The following MEI4 variants were observed in gnomAD, a reference collection of about 807,000 sequenced individuals.
The protein encoded by MEI4 is meiosis-specific protein MEI4.
MEI4 carries 27 observed loss-of-function variants against 31.4 expected under a neutral mutation model. The ratio of observed to expected loss-of-function variants is 0.86; its 90% CI spans 0.63 to 1.19. MEI4 has a LOEUF of 1.19. Among genes scored for constraint, MEI4 ranks in the 50% most tolerant of loss-of-function variants. The probability of loss-of-function intolerance (pLI) is 0.00; values close to 1 mark genes in which losing one functional copy is unlikely to be tolerated. For missense variants in MEI4, 329 were observed against 398.9 expected (o/e 0.82, Z 1.49); for synonymous variants, 122 against 145.4 (o/e 0.84, Z 1.16).
intron 2 of MEI4, among the ~76,000 whole-genome samples, chr6:77,694,832 C>A (rs543060430): frequency 1.2e-3 from 184 of 151,358 alleles, no homozygotes; most frequent in African/African-American, 4.3e-3. Flanking sequence ...CCTGAGGAAT[C>A]GCCACACTGA....
chr6:77,803,138 T>C (rs1769317688), intron 3 of MEI4, among the ~76,000 whole-genome samples: 1 of 152,236 alleles, frequency 6.6e-6, no homozygotes, highest in South Asian at 2.1e-4. Flanking sequence ...TCTTTTCACA[T>C]AGTCCCATAT....
intron 3 of MEI4, among the ~76,000 whole-genome samples, chr6:77,813,367 T>C (rs887328097): frequency 6.6e-6 from 1 of 152,128 alleles, no homozygotes; most frequent in African/African-American, 2.4e-5. Context: ...TATGCAAGCA[T>C]AGATTAACAC....
intron 2 of MEI4, among the ~76,000 whole-genome samples, chr6:77,759,761 G>A (rs943871244): frequency 6.6e-6 from 1 of 152,076 alleles, no homozygotes; most frequent in Non-Finnish European, 1.5e-5. Flanking sequence ...TTCACCCAAT[G>A]TTGGGACTAA....
chr6:77,878,227 A>AT (rs1771392468), intron 4 of MEI4, among the ~76,000 whole-genome samples: 1 of 151,970 alleles, frequency 6.6e-6, no homozygotes, highest in African/African-American at 2.4e-5. Flanking sequence ...TACATAAAAA[A>AT]ACCTCTTGAT....
intron 3 of MEI4, among the ~76,000 whole-genome samples, chr6:77,823,774 C>T (rs1769881925): frequency 6.6e-6 from 1 of 152,078 alleles, no homozygotes; most frequent in Admixed American, 6.5e-5. Context: ...ATTCTGGATG[C>T]TTCAGAAAGT....
chr6:77,783,964 C>T (rs1162847270), intron 3 of MEI4, among the ~76,000 whole-genome samples: 1 of 152,028 alleles, frequency 6.6e-6, no homozygotes. Flanking sequence ...GCAATCTAAT[C>T]TTAAATAATT....
At chr6:77,711,790 A>C (rs1766472303) in intron 2 of MEI4, among the ~76,000 whole-genome samples, 1 of 152,212 alleles carries the variant, frequency 6.6e-6, no homozygotes, top group South Asian at 2.1e-4. Context: ...AACTAGTATT[A>C]TAAGGTACAT....
At chr6:77,761,005 T>G (rs1003944087) in intron 2 of MEI4, 125 bp from the exon 3 acceptor site, 4 of 636,168 alleles carry the variant, frequency 6.3e-6, no homozygotes, top group African/African-American at 1.9e-5. Flanking sequence ...ACACTACTGC[T>G]TGTTAAATGC....
chr6:77,752,034 G>A, intron 2 of MEI4, among the ~76,000 whole-genome samples: 1 of 152,036 alleles, frequency 6.6e-6, no homozygotes, highest in East Asian at 1.9e-4. Context: ...GATTATCTCA[G>A]TAGACCCAGA....
intron 1 of MEI4, among the ~76,000 whole-genome samples, chr6:77,679,658 AGAAGAGGCCTAGAGAC>A (rs1304587286): frequency 6.6e-6 from 1 of 152,096 alleles, no homozygotes; most frequent in African/African-American, 2.4e-5. Flanking sequence ...CTTGCTACAA[AGAAGAGGCCTAGAGAC>A]GAATTTCTGT....
rs116486682 is a variant in MEI4, at chr6:77,844,667, A to T, written c.900+15605A>T. On this transcript the variant is annotated intron_variant, in intron 4 of 4. Coordinates refer to ENST00000684080, the MANE Select transcript of MEI4 (RefSeq NM_001322247.2). ...TTCTAAAATTTAAATTATGCAGGGAATATATCAGAGTATATTTAATGTTGT... is the reference window on the plus strand; with the variant it reads ...TTCTAAAATTTAAATTATGCAGGGATTATATCAGAGTATATTTAATGTTGT... Among the ~76,000 whole-genome samples the T allele has an allele frequency of 5.9e-3, 898 of 152,318 alleles. 11 individuals carry two copies. Among genetic ancestry groups the T allele is most frequent in the African/African-American group, 0.021 (862 of 41,588 alleles).
At chr6:77,864,426 C>T (rs2127722485) in intron 4 of MEI4, among the ~76,000 whole-genome samples, 1 of 152,180 alleles carries the variant, frequency 6.6e-6, no homozygotes, top group South Asian at 2.1e-4. Flanking sequence ...GCAGGGGTTG[C>T]AATCCTAGTC....
chr6:77,792,134 T>C (rs924388131), intron 3 of MEI4, among the ~76,000 whole-genome samples: 1 of 152,182 alleles, frequency 6.6e-6, no homozygotes, highest in Admixed American at 6.5e-5. Flanking sequence ...TGTTCTTTTT[T>C]AAAGGATGAA....
chr6:77,746,951 C>G (rs1000720803), intron 2 of MEI4, among the ~76,000 whole-genome samples: 30 of 152,076 alleles, frequency 2.0e-4, no homozygotes, highest in Admixed American at 7.9e-4. Flanking sequence ...GTAGAGAGTT[C>G]AGGAAAAAAT....
At chr6:77,802,356 A>G (rs1045651124) in intron 3 of MEI4, among the ~76,000 whole-genome samples, 4 of 152,064 alleles carry the variant, frequency 2.6e-5, no homozygotes, top group Non-Finnish European at 4.4e-5. Context: ...TTTTGAGCCT[A>G]TGTGTGTCTC....
intron 3 of MEI4, among the ~76,000 whole-genome samples, chr6:77,768,042 A>G (rs933651076): frequency 1.3e-5 from 2 of 152,212 alleles, no homozygotes; most frequent in Non-Finnish European, 2.9e-5. Flanking sequence ...TTATCTGTTC[A>G]GACAACAACT....
intron 2 of MEI4, among the ~76,000 whole-genome samples, chr6:77,712,037 T>C (rs181241342): frequency 1.5e-4 from 23 of 152,210 alleles, no homozygotes; most frequent in African/African-American, 4.6e-4. Flanking sequence ...ATTCACCTTG[T>C]AGATGACTTC....
intron 2 of MEI4, among the ~76,000 whole-genome samples, chr6:77,699,421 T>A (rs1766152427): frequency 6.6e-6 from 1 of 152,008 alleles, no homozygotes; most frequent in Non-Finnish European, 1.5e-5. Context: ...CTCGATCTCC[T>A]GACCTCGTGA....
chr6:77,890,522 A>T (rs1283916617), intron 4 of MEI4, among the ~76,000 whole-genome samples: 1 of 152,136 alleles, frequency 6.6e-6, no homozygotes, highest in Non-Finnish European at 1.5e-5. Flanking sequence ...GCTCATAGAG[A>T]GAAGTGACTT....
Sources: gnomAD v4.1 joint callset for allele counts (sites outside exome capture counted in the v4.1 genomes callset) on GRCh38, gnomAD v4.1.1 for gene constraint, MANE v1.5 for transcripts, NCBI Gene and HGNC (gene_info 2026-07-23, HGNC 2026-07-21) for gene names.